WASHC2A: variants seen among roughly 807,000 people sequenced by gnomAD.
WASHC2A encodes WASH complex subunit FAM21A.
In WASHC2A, 82 loss-of-function variants were observed where a neutral mutation model predicts 140.3. The observed-to-expected ratio is 0.58, with a 90% CI of 0.49 to 0.70. The LOEUF is 0.70. WASHC2A is among the 30% of genes least tolerant of loss of function. WASHC2A has a pLI of 0.00. For missense variants in WASHC2A, 985 were observed against 1,521.8 expected (o/e 0.65, Z 5.87); for synonymous variants, 340 against 560.8 (o/e 0.61, Z 5.56).
chr10:50,097,530 T>C (rs1589214462), intron 15 of WASHC2A, 145 bp from the exon 16 acceptor site: 1 of 692,186 alleles, frequency 1.4e-6, no homozygotes, highest in South Asian at 1.9e-5. Flanking sequence ...AGAGTATAGT[T>C]CCACTTACTA....
chr10:50,092,989 T>G (rs1840082967), intron 11 of WASHC2A, among the ~76,000 whole-genome samples: 1 of 56,818 alleles, frequency 1.8e-5, no homozygotes, highest in African/African-American at 4.7e-5. Context: ...AATGCTTGCT[T>G]CAGAGTAAAG....
At chr10:50,104,710 G>T (rs1477240010) in intron 18 of WASHC2A, among the ~76,000 whole-genome samples, 4 of 151,358 alleles carry the variant, frequency 2.6e-5, no homozygotes, top group African/African-American at 9.7e-5. Flanking sequence ...TTAGAAATCT[G>T]CCTTTGAGAA....
At chr10:50,069,754 G>A (rs1197185194) in intron 3 of WASHC2A, 43 bp downstream of exon 3, 2 of 1,561,878 alleles carry the variant, frequency 1.3e-6, no homozygotes, top group Non-Finnish European at 1.7e-6. Flanking sequence ...TTGGGAGTAG[G>A]AGATATTGTA....
chr10:50,110,332 G>T, intron 20 of WASHC2A, 62 bp downstream of exon 20: 1 of 1,605,526 alleles, frequency 6.2e-7, no homozygotes, highest in East Asian at 2.2e-5. Context: ...AAAGGAATCT[G>T]ATGCACAATC....
At chr10:50,097,105 A>G (rs1840558468) in intron 15 of WASHC2A, among the ~76,000 whole-genome samples, 1 of 132,168 alleles carries the variant, frequency 7.6e-6, no homozygotes, top group African/African-American at 2.6e-5. Context: ...GACATTGTTC[A>G]AATTATCTTC....
chr10:50,102,066 T>C (rs1206786135), intron 17 of WASHC2A, among the ~76,000 whole-genome samples: 3 of 152,148 alleles, frequency 2.0e-5, no homozygotes, highest in African/African-American at 7.2e-5. Flanking sequence ...CCCATCCAGG[T>C]TTATGGGGAG....
chr10:50,068,159 G>C lies in WASHC2A; in HGVS notation c.58G>C (p.Glu20Gln). The stretch of plus-strand genomic sequence containing the variant: ...GGCGCCAGCGTCGGAGCCCGTGTGG[G>C]AGCGGCCGTGGTCGGTGGAGGAGAT... ...ELAPASEPVW[E>Q]RPWSVEEIRR... is the part of the protein sequence containing the mutation. The change falls in exon 2 of 31, where the codon GAG becomes CAG. Residue 20 changes from glutamate to glutamine, a missense_variant. Coordinates refer to ENST00000282633, the MANE Select transcript of WASHC2A (RefSeq NM_001005751.3). 5 of 1,602,134 alleles carry C rather than the reference G, an allele frequency of 3.1e-6. No individual in the cohort carries two copies. Among genetic ancestry groups the C allele is most frequent in the Middle Eastern group, 2.2e-4 (1 of 4,498 alleles).
intron 3 of WASHC2A, among the ~76,000 whole-genome samples, chr10:50,076,167 C>G (rs1838294181): frequency 6.6e-6 from 1 of 152,100 alleles, no homozygotes; most frequent in Non-Finnish European, 1.5e-5. Flanking sequence ...CGCAGGTGAT[C>G]CCAAAGTGCT....
chr10:50,089,014 G>GA (rs1839638792), intron 8 of WASHC2A, among the ~76,000 whole-genome samples: 1 of 145,598 alleles, frequency 6.9e-6, no homozygotes, highest in Non-Finnish European at 1.5e-5. Flanking sequence ...ACCCAGGCTG[G>GA]AGTGCAGTGG....
intron 27 of WASHC2A, 66 bp from the exon 28 acceptor site, chr10:50,127,517 G>A (rs1230912642): frequency 6.2e-7 from 1 of 1,611,598 alleles, no homozygotes; most frequent in Non-Finnish European, 8.5e-7. Flanking sequence ...CTTGTCATGT[G>A]TCACAATAAA....
rs1843508057 is a variant in WASHC2A, at chr10:50,127,160, G to C, written c.2812G>C (p.Asp938His). ...KGIWKPETPQDSSGLAPFKTK... is the reference protein window; with the variant it reads ...KGIWKPETPQHSSGLAPFKTK... Reference sequence around the variant, plus strand: ...TTTAACTGGATGTAATTTTACACAGGACTCATCAGGTCTCGCTCCATTTAA... The same window carrying C: ...TTTAACTGGATGTAATTTTACACAGCACTCATCAGGTCTCGCTCCATTTAA... The change falls in exon 27 of 31, where the codon GAC becomes CAC. Residue 938 changes from aspartate to histidine, a missense_variant and splice_region_variant. Physicochemically the swap from Asp to His is moderately conservative, Grantham distance 81. Coordinates refer to ENST00000282633, the MANE Select transcript of WASHC2A (RefSeq NM_001005751.3). 1.2e-6 allele frequency: 2 copies of C among 1,611,882 alleles called. No individual in the cohort carries two copies. Among genetic ancestry groups the C allele is most frequent in the African/African-American group, 2.7e-5 (2 of 74,838 alleles).
At chr10:50,103,248 T>C (rs1335991824) in intron 17 of WASHC2A, among the ~76,000 whole-genome samples, 6 of 150,494 alleles carry the variant, frequency 4.0e-5, no homozygotes, top group African/African-American at 9.7e-5. Flanking sequence ...AAATAAAGTT[T>C]AATTTGTATT....
rs1475051994 is a variant in WASHC2A, at chr10:50,095,468, T to C, written c.1241-131T>C. The C allele has an allele frequency of 5.1e-6, 7 of 1,377,234 alleles. No homozygotes were observed. In the African/African-American group the frequency reaches 1.0e-4, roughly 20 times the overall value. 85.3% of individuals were successfully genotyped at this position (1,377,234 alleles called of 1,614,324 possible). On this transcript the variant is annotated intron_variant, in intron 14 of 30. Transcript: ENST00000282633. Reference sequence around the variant, plus strand: ...TTCTGTAGCAGTAATGGATGGAGGCTATTGGGCCCTGTTATGCATTTTGTG... The same window carrying C: ...TTCTGTAGCAGTAATGGATGGAGGCCATTGGGCCCTGTTATGCATTTTGTG...
In WASHC2A at chr10:50,068,246, G is replaced by C; in HGVS notation, c.126+19G>C. On this transcript the variant is annotated intron_variant, in intron 2 of 30. Transcript: ENST00000282633. The stretch of plus-strand genomic sequence containing the variant: ...CGCGGGCGTGAGAGGCGGGCCCCGG[G>C]GACGCGAGAGCGGCAGGGGTGACGC... 1 of 1,555,234 alleles carries C rather than the reference G, an allele frequency of 6.4e-7. No individual in the cohort carries two copies. The highest frequency in any genetic ancestry group is 1.2e-5 in the South Asian group (1 of 86,382).
intron 8 of WASHC2A, among the ~76,000 whole-genome samples, chr10:50,090,559 TTATATATATTTTTA>T (rs1250166674): frequency 7.9e-6 from 1 of 127,384 alleles, no homozygotes; most frequent in Non-Finnish European, 1.8e-5. Context: ...TATTTATATT[TTATATATATTTTTA>T]TATATATATT....
chr10:50,092,978 G>A (rs1589197373), intron 11 of WASHC2A, among the ~76,000 whole-genome samples: 1 of 92,082 alleles, frequency 1.1e-5, no homozygotes, highest in South Asian at 5.2e-4. Flanking sequence ...CGTCTGACCC[G>A]AATGCTTGCT....
chr10:50,115,311 A>G (rs1842584349), intron 21 of WASHC2A, among the ~76,000 whole-genome samples: 1 of 40,628 alleles, frequency 2.5e-5, no homozygotes, highest in Non-Finnish European at 4.9e-5. Flanking sequence ...AGGAGAACTT[A>G]AAGAAATGTA....
chr10:50,078,966 C>A (rs1838638838), intron 4 of WASHC2A, among the ~76,000 whole-genome samples: 1 of 151,728 alleles, frequency 6.6e-6, no homozygotes, highest in Non-Finnish European at 1.5e-5. Flanking sequence ...TAGAAGTCAG[C>A]AAACTTCTTT....
Position 50,132,971 on chromosome 10 carries a change from C to T in WASHC2A, c.*26C>T. 6.2e-7 allele frequency: 1 copy of T among 1,611,786 alleles called. No homozygotes were observed. The highest frequency in any genetic ancestry group is 2.3e-4 in the Middle Eastern group (1 of 4,428). ...AGCACACAGGGTATCCACATGTTAC[C>T]CTGCAGCTACATTGTTGAGTTAGTG... On this transcript the variant is annotated 3_prime_UTR_variant, in exon 31 of 31. Transcript: ENST00000282633.
Sources: allele counts gnomAD v4.1 joint callset (sites outside exome capture counted in the v4.1 genomes callset), GRCh38; gene constraint gnomAD v4.1.1; transcripts MANE v1.5; gene names NCBI Gene and HGNC (gene_info 2026-07-23, HGNC 2026-07-21).